The following MACROD2 variants were observed in gnomAD, a reference collection of about 807,000 sequenced individuals.
The protein encoded by MACROD2 is ADP-ribose glycohydrolase MACROD2.
In MACROD2, 36 loss-of-function variants were observed where a neutral mutation model predicts 70.4. That is an observed-to-expected ratio of 0.51 (90% confidence interval 0.39 to 0.68). The LOEUF (loss-of-function observed/expected upper bound fraction) is 0.68, where lower values mean the gene tolerates loss of function less well. Among genes scored for constraint, MACROD2 ranks in the 30% least tolerant of loss-of-function variants. MACROD2 has a pLI of 0.00. For synonymous variants in MACROD2, 172 were observed against 178.8 expected, an observed-to-expected ratio of 0.96 and a Z score of 0.30; for missense variants, 496 against 538.4, an observed-to-expected ratio of 0.92 and a Z score of 0.78.
intron 5 of MACROD2, among the ~76,000 whole-genome samples, chr20:15,145,258 A>T (rs911484845): frequency 6.6e-6 from 1 of 152,186 alleles, no homozygotes; most frequent in African/African-American, 2.4e-5. Flanking sequence ...TCAAAAAATT[A>T]TAGCCATAGA....
At chr20:15,849,670 T>C (rs186653870) in intron 8 of MACROD2, among the ~76,000 whole-genome samples, 5 of 152,334 alleles carry the variant, frequency 3.3e-5, no homozygotes, top group African/African-American at 1.2e-4. Flanking sequence ...AATTTTTAAT[T>C]ACTTCAACAA....
chr20:15,554,023 G>A (rs2048132330), intron 8 of MACROD2, among the ~76,000 whole-genome samples: 1 of 152,162 alleles, frequency 6.6e-6, no homozygotes, highest in Non-Finnish European at 1.5e-5. Context: ...CAGCAAAACA[G>A]GGATCAGAAA....
intron 8 of MACROD2, among the ~76,000 whole-genome samples, chr20:15,805,151 C>T (rs942520619): frequency 2.2e-4 from 33 of 152,128 alleles, no homozygotes; most frequent in African/African-American, 8.0e-4. Context: ...TGGGGAAATC[C>T]AACTCAGGAC....
At chr20:14,042,273 C>G (rs149481544) in intron 2 of MACROD2, among the ~76,000 whole-genome samples, 39 of 152,220 alleles carry the variant, frequency 2.6e-4, no homozygotes, top group Non-Finnish European at 1.5e-5. Flanking sequence ...TAGAGGCTTG[C>G]AGTTAAAGGT....
intron 5 of MACROD2, among the ~76,000 whole-genome samples, chr20:15,070,491 T>C (rs777048542): frequency 3.9e-5 from 6 of 152,124 alleles, no homozygotes; most frequent in Non-Finnish European, 7.4e-5. Context: ...TGAAATGTAA[T>C]CCTCAATTTT....
intron 5 of MACROD2, among the ~76,000 whole-genome samples, chr20:14,768,528 A>G (rs1482993424): frequency 6.6e-6 from 1 of 152,004 alleles, no homozygotes; most frequent in African/African-American, 2.4e-5. Flanking sequence ...TATGGTGCCT[A>G]GGCTTGTCTC....
chr20:15,046,613 C>T (rs1207206733), intron 5 of MACROD2, among the ~76,000 whole-genome samples: 1 of 152,156 alleles, frequency 6.6e-6, no homozygotes, highest in African/African-American at 2.4e-5. Context: ...CCACTTCTTA[C>T]TCTGGCTGTC....
At chr20:14,103,889 C>T (rs569440108) in intron 3 of MACROD2, among the ~76,000 whole-genome samples, 26 of 152,168 alleles carry the variant, frequency 1.7e-4, no homozygotes, top group African/African-American at 5.8e-4. Flanking sequence ...GACAAACATC[C>T]TAGCACATAA....
At position 15,389,082 on chromosome 20, in the gene MACROD2, A is replaced by G. The variant is rs114158978; in HGVS notation, c.541-42323A>G. On this transcript the variant is annotated intron_variant, in intron 6 of 17. Coordinates refer to ENST00000684519, the MANE Select transcript of MACROD2 (RefSeq NM_001351661.2). ...TTCATCAAGTAGGGGAGGTGTGGAT[A>G]CTAGCCAGATTTGGGTGAGTTAAAA... Among the ~76,000 whole-genome samples the G allele has an allele frequency of 3.9e-3, 598 of 152,292 alleles. 3 individuals carry two copies. Among genetic ancestry groups the G allele is most frequent in the African/African-American group, 0.013 (560 of 41,572 alleles).
At chr20:14,624,108 G>C (rs927672770) in intron 4 of MACROD2, among the ~76,000 whole-genome samples, 1 of 152,204 alleles carries the variant, frequency 6.6e-6, no homozygotes, top group Non-Finnish European at 1.5e-5. Flanking sequence ...TCTGCAGTAA[G>C]TGGCAAGTCT....
chr20:14,316,038 A>G (rs2082609513), intron 3 of MACROD2, among the ~76,000 whole-genome samples: 1 of 152,190 alleles, frequency 6.6e-6, no homozygotes, highest in Admixed American at 6.5e-5. Flanking sequence ...CTTGAGTTGT[A>G]TGTCTCAACT....
At chr20:14,607,495 T>C (rs1278579116) in intron 4 of MACROD2, among the ~76,000 whole-genome samples, 1 of 152,174 alleles carries the variant, frequency 6.6e-6, no homozygotes, top group Non-Finnish European at 1.5e-5. Flanking sequence ...TTATGAACTC[T>C]AATTCTGTTC....
At chr20:14,277,889 A>G (rs929029332) in intron 3 of MACROD2, among the ~76,000 whole-genome samples, 3 of 152,252 alleles carry the variant, frequency 2.0e-5, no homozygotes, top group African/African-American at 7.2e-5. Context: ...AGGATGAAGT[A>G]AAATCTGCAG....
At chr20:14,652,001 A>G (rs1040848619) in intron 4 of MACROD2, among the ~76,000 whole-genome samples, 1 of 152,164 alleles carries the variant, frequency 6.6e-6, no homozygotes, top group Non-Finnish European at 1.5e-5. Context: ...GTTATATGCT[A>G]AACAGTTGTA....
chr20:15,633,250 AG>A lies in MACROD2; in HGVS notation c.645+133405del, dbSNP rs1212246268. On this transcript the variant is annotated intron_variant, in intron 8 of 17. Coordinates refer to ENST00000684519, the MANE Select transcript of MACROD2 (RefSeq NM_001351661.2). ...TTTTTATTTCAAAATTATATTTAAAAGGAAAAAATAATGAGACAACAGCAAG... is the reference window on the plus strand; with the variant it reads ...TTTTTATTTCAAAATTATATTTAAAAGAAAAAATAATGAGACAACAGCAAG... 2.0e-5 allele frequency among the ~76,000 whole-genome samples: 3 copies of A among 152,318 alleles called. No individual in the cohort carries two copies. The East Asian group carries it at 5.8e-4, about 29-fold the overall frequency.
intron 4 of MACROD2, among the ~76,000 whole-genome samples, chr20:14,672,624 G>A (rs1306474558): frequency 1.3e-5 from 2 of 152,172 alleles, no homozygotes; most frequent in African/African-American, 4.8e-5. Flanking sequence ...GCTAAGCACT[G>A]TACATGTTAT....
intron 5 of MACROD2, among the ~76,000 whole-genome samples, chr20:14,969,011 C>G (rs2074664967): frequency 6.6e-6 from 1 of 152,044 alleles, no homozygotes; most frequent in Non-Finnish European, 1.5e-5. Context: ...TGTGAGATGA[C>G]TTTTGATAGT....
At chr20:14,729,395 A>G (rs567210903) in intron 5 of MACROD2, among the ~76,000 whole-genome samples, 2 of 152,318 alleles carry the variant, frequency 1.3e-5, no homozygotes, top group Non-Finnish European at 2.9e-5. Flanking sequence ...AGTATCCTCA[A>G]TAACTGTTTA....
At chr20:15,996,026 G>T (rs746457833) in intron 15 of MACROD2, among the ~76,000 whole-genome samples, 8 of 152,114 alleles carry the variant, frequency 5.3e-5, no homozygotes, top group Non-Finnish European at 8.8e-5. Context: ...GTAACCAGAA[G>T]TGGGATGGCT....
Sources: gnomAD v4.1 joint callset for allele counts (sites outside exome capture counted in the v4.1 genomes callset) on GRCh38, gnomAD v4.1.1 for gene constraint, MANE v1.5 for transcripts, NCBI Gene and HGNC (gene_info 2026-07-23, HGNC 2026-07-21) for gene names.